NEGR1: variants seen among roughly 807,000 people sequenced by gnomAD.
NEGR1 encodes the protein neuronal growth regulator 1.
NEGR1 carries 10 observed loss-of-function variants against 40.9 expected under a neutral mutation model. The ratio of observed to expected loss-of-function variants is 0.24; its 90% CI spans 0.15 to 0.42. The LOEUF is 0.42. NEGR1 is among the 10% of genes least tolerant of loss of function. NEGR1 has a pLI of 1.00. For missense variants in NEGR1, 352 were observed against 438.9 expected (o/e 0.80, Z 1.77); for synonymous variants, 185 against 166.8 (o/e 1.11, Z -0.84).
chr1:71,582,442 T>C (rs1245982153), intron 6 of NEGR1, among the ~76,000 whole-genome samples: 2 of 152,192 alleles, frequency 1.3e-5, no homozygotes, highest in Non-Finnish European at 2.9e-5. Context: ...AACTTTTGCC[T>C]CTAGAACTAT....
intron 6 of NEGR1, among the ~76,000 whole-genome samples, chr1:71,432,019 A>G (rs1646472381): frequency 6.6e-6 from 1 of 152,200 alleles, no homozygotes; most frequent in African/African-American, 2.4e-5. Context: ...TGAGCAGAGT[A>G]GGAGAGTCCA....
intron 2 of NEGR1, among the ~76,000 whole-genome samples, chr1:71,816,977 T>C (rs572817254): frequency 6.6e-6 from 1 of 151,932 alleles, no homozygotes; most frequent in South Asian, 2.1e-4. Context: ...AAAACTATCC[T>C]GACTCCAGTC....
intron 1 of NEGR1, among the ~76,000 whole-genome samples, chr1:72,041,286 AG>A (rs1485547214): frequency 1.3e-5 from 2 of 151,984 alleles, no homozygotes; most frequent in Non-Finnish European, 2.9e-5. Flanking sequence ...TAGATTTTAC[AG>A]GGATTTACAA....
chr1:72,194,913 G>A (rs2100435663), intron 1 of NEGR1, among the ~76,000 whole-genome samples: 1 of 152,142 alleles, frequency 6.6e-6, no homozygotes, highest in East Asian at 1.9e-4. Flanking sequence ...GATGCCTACT[G>A]TGTCATCTGC....
intron 2 of NEGR1, among the ~76,000 whole-genome samples, chr1:71,849,492 C>T (rs150837740): frequency 3.6e-3 from 540 of 152,014 alleles, no homozygotes; most frequent in Middle Eastern, 6.8e-3. Flanking sequence ...CTACTCCTGG[C>T]GTAGATCTTG....
At chr1:71,860,604 A>T (rs1659916895) in intron 2 of NEGR1, among the ~76,000 whole-genome samples, 1 of 152,036 alleles carries the variant, frequency 6.6e-6, no homozygotes, top group Admixed American at 6.6e-5. Flanking sequence ...AGATAGTAAG[A>T]CTTACCTTAA....
At chr1:71,846,624 C>T (rs1331118084) in intron 2 of NEGR1, among the ~76,000 whole-genome samples, 3 of 152,126 alleles carry the variant, frequency 2.0e-5, no homozygotes, top group African/African-American at 7.2e-5. Flanking sequence ...TATATATTGT[C>T]TTAGTCCATT....
intron 1 of NEGR1, among the ~76,000 whole-genome samples, chr1:72,235,315 T>G (rs576301354): frequency 2.0e-5 from 3 of 152,128 alleles, no homozygotes; most frequent in African/African-American, 7.2e-5. Flanking sequence ...AAGATTAACC[T>G]GGAGGGGCAT....
chr1:72,238,917 G>C (rs796538717), intron 1 of NEGR1, among the ~76,000 whole-genome samples: 1 of 151,760 alleles, frequency 6.6e-6, no homozygotes, highest in Non-Finnish European at 1.5e-5. Context: ...AGGGAACCGG[G>C]GATCATACTT....
chr1:71,847,921 C>A (rs972706112), intron 2 of NEGR1, among the ~76,000 whole-genome samples: 3 of 152,088 alleles, frequency 2.0e-5, no homozygotes, highest in Admixed American at 2.0e-4. Flanking sequence ...GCTGTAAATG[C>A]CAAGGAAACA....
At chr1:71,484,190 T>C (rs1216767638) in intron 6 of NEGR1, among the ~76,000 whole-genome samples, 4 of 151,740 alleles carry the variant, frequency 2.6e-5, no homozygotes, top group Admixed American at 2.6e-4. Flanking sequence ...CCAATTTTCA[T>C]GGTGATTTCG....
intron 2 of NEGR1, among the ~76,000 whole-genome samples, chr1:71,858,233 G>A (rs2101820205): frequency 6.6e-6 from 1 of 152,068 alleles, no homozygotes; most frequent in East Asian, 1.9e-4. Flanking sequence ...AGCTCACAGT[G>A]AAATATGCTG....
At chr1:71,926,741 C>A (rs1645777692) in intron 2 of NEGR1, among the ~76,000 whole-genome samples, 1 of 151,478 alleles carries the variant, frequency 6.6e-6, no homozygotes, top group African/African-American at 2.4e-5. Context: ...CTTAGTAATT[C>A]CCTTTGTGTA....
intron 1 of NEGR1, among the ~76,000 whole-genome samples, chr1:72,062,663 T>C (rs1328795790): frequency 1.3e-5 from 2 of 152,050 alleles, no homozygotes; most frequent in Admixed American, 1.3e-4. Context: ...CTGTGCATGG[T>C]TTAGTAGCCT....
chr1:71,597,432 G>GCC (rs1649751555), intron 5 of NEGR1, among the ~76,000 whole-genome samples: 3 of 60,730 alleles, frequency 4.9e-5, no homozygotes, highest in Non-Finnish European at 9.0e-5. Flanking sequence ...ATATATATAT[G>GCC]TCTCTCTCTC....
At chr1:71,813,152 C>T (rs1317089022) in intron 2 of NEGR1, among the ~76,000 whole-genome samples, 1 of 152,030 alleles carries the variant, frequency 6.6e-6, no homozygotes, top group Non-Finnish European at 1.5e-5. Context: ...CTGTATATGG[C>T]TAGCCAGTTT....
chr1:72,201,918 T>C (rs1653228291), intron 1 of NEGR1, among the ~76,000 whole-genome samples: 1 of 151,960 alleles, frequency 6.6e-6, no homozygotes, highest in South Asian at 2.1e-4. Flanking sequence ...TACTTTTCTT[T>C]GTTATGCTTT....
chr1:72,278,650 C>A (rs1304974469), intron 1 of NEGR1, among the ~76,000 whole-genome samples: 1 of 151,860 alleles, frequency 6.6e-6, no homozygotes, highest in Non-Finnish European at 1.5e-5. Flanking sequence ...TGAAGCATAA[C>A]CAATGTGGTT....
chr1:71,801,526 C>A (rs1657557629), intron 2 of NEGR1, among the ~76,000 whole-genome samples: 2 of 152,130 alleles, frequency 1.3e-5, no homozygotes, highest in African/African-American at 4.8e-5. Context: ...ATCTATCATG[C>A]CAGCCTTTCT....
Sources: gnomAD v4.1 joint callset for allele counts (sites outside exome capture counted in the v4.1 genomes callset) on GRCh38, gnomAD v4.1.1 for gene constraint, MANE v1.5 for transcripts, NCBI Gene and HGNC (gene_info 2026-07-23, HGNC 2026-07-21) for gene names.